Variants in NAA60 observed in about 807,000 individuals in gnomAD.
NAA60 encodes the protein N-alpha-acetyltransferase 60.
NAA60 carries 8 observed loss-of-function variants against 26.1 expected under a neutral mutation model. The observed-to-expected ratio is 0.31, with a 90% CI of 0.18 to 0.55. The LOEUF (loss-of-function observed/expected upper bound fraction) is 0.55, where lower values mean the gene tolerates loss of function less well. Among genes scored for constraint, NAA60 ranks in the 20% least tolerant of loss-of-function variants. The probability of loss-of-function intolerance (pLI) is 0.93; values close to 1 mark genes in which losing one functional copy is unlikely to be tolerated. For synonymous variants in NAA60, 131 were observed against 122.5 expected (o/e 1.07, Z -0.46); for missense variants, 290 against 311.3 (o/e 0.93, Z 0.51).
At chr16:3,463,031 G>GC (rs1177654670) in intron 2 of NAA60, among the ~76,000 whole-genome samples, 12 of 152,242 alleles carry the variant, frequency 7.9e-5, no homozygotes, top group African/African-American at 2.6e-4. Flanking sequence ...CTTGTCCACA[G>GC]CCTCCTCTTT....
chr16:3,482,492 C>T lies in NAA60; in HGVS notation c.241-10C>T. On this transcript the variant is annotated splice_polypyrimidine_tract_variant and intron_variant, in intron 4 of 7. Coordinates refer to ENST00000407558, the MANE Select transcript of NAA60 (RefSeq NM_001083601.3). ...TGTGAGCCTGACTTTCTCTCTGACT[C>T]TTCCTCTAGGATGGAGATATTCTAG... 3 of 1,588,276 alleles carry T rather than the reference C, an allele frequency of 1.9e-6. No homozygotes were observed. Among genetic ancestry groups the T allele is most frequent in the Non-Finnish European group, 2.6e-6 (3 of 1,165,880 alleles).
intron 2 of NAA60, among the ~76,000 whole-genome samples, chr16:3,459,271 A>G (rs963103283): frequency 6.6e-6 from 1 of 152,126 alleles, no homozygotes; most frequent in African/African-American, 2.4e-5. Context: ...CCAAAGGTCG[A>G]CTCTAGAAAT....
chr16:3,446,108 C>T (rs1366271552), intron 1 of NAA60, among the ~76,000 whole-genome samples: 2 of 152,160 alleles, frequency 1.3e-5, no homozygotes, highest in African/African-American at 2.4e-5. Context: ...AACATGGTAC[C>T]AGTAATAACA....
At chr16:3,466,082 A>G (rs1267518428) in intron 2 of NAA60, among the ~76,000 whole-genome samples, 2 of 152,212 alleles carry the variant, frequency 1.3e-5, no homozygotes, top group Non-Finnish European at 2.9e-5. Flanking sequence ...GTACGTTTTG[A>G]CAACTGTGAA....
In NAA60 at chr16:3,483,011, G is replaced by A. The variant is rs1407634422; in HGVS notation, c.338-352G>A. 3 of 468,632 alleles carry A rather than the reference G, an allele frequency of 6.4e-6. No homozygotes were observed. The East Asian group carries it at 1.2e-4, about 18-fold the overall frequency. 29.0% of individuals were successfully genotyped at this position (468,632 alleles called of 1,614,324 possible). On this transcript the variant is annotated intron_variant, in intron 5 of 7. Transcript: ENST00000407558. ...ATGTCCCACCCCACTCGGCCACACGGCCAGTGAGCGGCAGAGTCTTAATTA... is the reference window on the plus strand; with the variant it reads ...ATGTCCCACCCCACTCGGCCACACGACCAGTGAGCGGCAGAGTCTTAATTA...
intron 4 of NAA60, among the ~76,000 whole-genome samples, chr16:3,480,514 T>C (rs1003628434): frequency 2.6e-5 from 4 of 151,478 alleles, no homozygotes; most frequent in Non-Finnish European, 4.4e-5. Flanking sequence ...GGAGAATCGC[T>C]TGAACCCACG....
chr16:3,470,459 C>T (rs921611314), intron 2 of NAA60, among the ~76,000 whole-genome samples: 2 of 152,230 alleles, frequency 1.3e-5, no homozygotes, highest in Non-Finnish European at 1.5e-5. Flanking sequence ...TGACCCAGGG[C>T]GTCAGCAGGA....
intron 2 of NAA60, among the ~76,000 whole-genome samples, chr16:3,475,719 G>A (rs577932873): frequency 2.0e-5 from 3 of 152,188 alleles, no homozygotes; most frequent in South Asian, 2.1e-4. Context: ...ACAAACCCAC[G>A]CCCTGGTCAT....
intron 2 of NAA60, among the ~76,000 whole-genome samples, chr16:3,474,272 CG>C (rs2036334762): frequency 6.6e-6 from 1 of 152,198 alleles, no homozygotes; most frequent in African/African-American, 2.4e-5. Flanking sequence ...GGGGATACCC[CG>C]GGAAGTGGCT....
At chr16:3,474,223 G>C (rs1045555449) in intron 2 of NAA60, among the ~76,000 whole-genome samples, 2 of 152,234 alleles carry the variant, frequency 1.3e-5, no homozygotes, top group African/African-American at 4.8e-5. Flanking sequence ...TCAGAGCAGA[G>C]CTGCTCAGGA....
At chr16:3,482,672 C>G (rs2036922365) in intron 5 of NAA60, 74 bp downstream of exon 5, 1 of 1,071,692 alleles carries the variant, frequency 9.3e-7, no homozygotes, top group Non-Finnish European at 1.4e-6. Flanking sequence ...CCCATCTGCA[C>G]CCAGTCTCTT....
intron 2 of NAA60, among the ~76,000 whole-genome samples, chr16:3,454,023 G>T (rs953446295): frequency 6.6e-6 from 1 of 152,150 alleles, no homozygotes; most frequent in African/African-American, 2.4e-5. Flanking sequence ...GTAAATGAGA[G>T]CCTGGGGATT....
chr16:3,479,751 G>C, intron 4 of NAA60, 151 bp downstream of exon 4: 1 of 847,998 alleles, frequency 1.2e-6, no homozygotes, highest in South Asian at 1.8e-5. Context: ...CTTGTCCCTG[G>C]CTGGTGCTTT....
chr16:3,473,027 TGTTTTGTTTC>T (rs1228002154), intron 2 of NAA60, among the ~76,000 whole-genome samples: 1 of 152,116 alleles, frequency 6.6e-6, no homozygotes, highest in Non-Finnish European at 1.5e-5. Flanking sequence ...TGTTTTGTTT[TGTTTTGTTTC>T]GTTTCATTTC....
Position 3,485,786 on chromosome 16 carries a change from G to C in NAA60, c.*526G>C, listed in dbSNP as rs1187938807. 1 of 411,812 alleles carries C rather than the reference G, an allele frequency of 2.4e-6. No individual in the cohort carries two copies. Among genetic ancestry groups the C allele is most frequent in the Non-Finnish European group, 4.9e-6 (1 of 202,668 alleles). The allele number at this position is 411,812 out of a possible 1,614,324, so 25.5% of individuals were successfully genotyped here. On this transcript the variant is annotated 3_prime_UTR_variant, in exon 8 of 8. Transcript: ENST00000407558. ...AGAACCAGCCCAAAGAAGCCTGGGG[G>C]GTGAGGAGTGGCCCCCACTCCTCCA...
intron 2 of NAA60, among the ~76,000 whole-genome samples, chr16:3,466,462 CT>C (rs1426589374): frequency 2.0e-5 from 3 of 152,228 alleles, no homozygotes; most frequent in African/African-American, 7.2e-5. Flanking sequence ...GCAGTGTTAG[CT>C]GCTGACATCC....
intron 2 of NAA60, among the ~76,000 whole-genome samples, chr16:3,452,676 G>C (rs1309569967): frequency 1.3e-5 from 2 of 151,524 alleles, no homozygotes; most frequent in Non-Finnish European, 2.9e-5. Flanking sequence ...AGAATGCTTG[G>C]TTGAGCATGG....
At chr16:3,447,693 A>G (rs76397391) in intron 1 of NAA60, 2 of 955,520 alleles carry the variant, frequency 2.1e-6, no homozygotes, top group African/African-American at 3.5e-5. Flanking sequence ...TTGATTGAGC[A>G]GTTAGAAAAC....
In NAA60 at chr16:3,485,941, G is replaced by C; in HGVS notation, c.*681G>C. The C allele has an allele frequency of 3.1e-6, 1 of 322,312 alleles. No individual in the cohort carries two copies. Among genetic ancestry groups the C allele is most frequent in the Non-Finnish European group, 6.1e-6 (1 of 162,868 alleles). The allele number at this position is 322,312 out of a possible 1,614,324, so 20.0% of individuals were successfully genotyped here. ...CCTACTCCTCAGCACCTTCCGTGCAGTTACCAGTGCCCTGGGAGGTCACAC... is the reference window on the plus strand; with the variant it reads ...CCTACTCCTCAGCACCTTCCGTGCACTTACCAGTGCCCTGGGAGGTCACAC... On this transcript the variant is annotated 3_prime_UTR_variant, in exon 8 of 8. Coordinates refer to ENST00000407558, the MANE Select transcript of NAA60 (RefSeq NM_001083601.3).
Sources: allele counts gnomAD v4.1 joint callset (sites outside exome capture counted in the v4.1 genomes callset), GRCh38; gene constraint gnomAD v4.1.1; transcripts MANE v1.5; gene names NCBI Gene and HGNC (gene_info 2026-07-23, HGNC 2026-07-21).